The following NRXN2 variants were observed in gnomAD, a reference collection of about 807,000 sequenced individuals.
NRXN2 encodes neurexin 2.
NRXN2 carries 29 observed loss-of-function variants against 128.8 expected under a neutral mutation model. The observed-to-expected ratio is 0.23, with a 90% CI of 0.17 to 0.31. The LOEUF (loss-of-function observed/expected upper bound fraction) is 0.31. Ranked by LOEUF, NRXN2 falls within the 10% of genes least tolerant of loss-of-function variation. NRXN2 has a pLI of 1.00. For missense variants in NRXN2, 1,881 were observed against 2,452.6 expected (o/e 0.77, Z 4.92); for synonymous variants, 1,098 against 1,075.2 (o/e 1.02, Z -0.41).
intron 17 of NRXN2, among the ~76,000 whole-genome samples, chr11:64,638,349 C>T (rs897595800): frequency 6.6e-6 from 1 of 152,178 alleles, no homozygotes; most frequent in Non-Finnish European, 1.5e-5. Flanking sequence ...TGGACTGGGG[C>T]GGCAGTAATT....
At chr11:64,611,846 T>C (rs993771920) in intron 22 of NRXN2, among the ~76,000 whole-genome samples, 1 of 152,068 alleles carries the variant, frequency 6.6e-6, no homozygotes, top group African/African-American at 2.4e-5. Context: ...TGGGCCCTTC[T>C]CTGCCCAAGG....
chr11:64,681,875 G>A (rs903542842), intron 6 of NRXN2, among the ~76,000 whole-genome samples: 3 of 152,238 alleles, frequency 2.0e-5, no homozygotes, highest in Admixed American at 1.3e-4. Flanking sequence ...GCCAGAGAGG[G>A]AGAGAGGCCT....
intron 6 of NRXN2, among the ~76,000 whole-genome samples, chr11:64,683,156 T>C (rs2052538680): frequency 6.6e-6 from 1 of 152,216 alleles, no homozygotes; most frequent in African/African-American, 2.4e-5. Context: ...TCTCAGATCC[T>C]GGCACTCTAT....
At chr11:64,636,897 TGAG>T in intron 17 of NRXN2, among the ~76,000 whole-genome samples, 1 of 151,874 alleles carries the variant, frequency 6.6e-6, no homozygotes, top group Non-Finnish European at 1.5e-5. Flanking sequence ...CAATCAGGGG[TGAG>T]GAGGCTCCAT....
chr11:64,645,567 C>G (rs2046524295), intron 17 of NRXN2, among the ~76,000 whole-genome samples: 1 of 152,068 alleles, frequency 6.6e-6, no homozygotes, highest in Non-Finnish European at 1.5e-5. Context: ...GCTACCCTTT[C>G]TCATTTCATA....
chr11:64,647,889 C>T (rs2046936732), intron 17 of NRXN2, among the ~76,000 whole-genome samples: 1 of 152,244 alleles, frequency 6.6e-6, no homozygotes, highest in South Asian at 2.1e-4. Flanking sequence ...CTACACAGGA[C>T]AGCAGCAAGT....
At position 64,630,603 on chromosome 11, in the gene NRXN2, C is replaced by T; in HGVS notation, c.3586-30G>A. 1 of 1,612,990 alleles carries T rather than the reference C, an allele frequency of 6.2e-7. No individual in the cohort carries two copies. The highest frequency in any genetic ancestry group is 1.3e-5 in the African/African-American group (1 of 75,048). ...GGACATGGAGGTGGAGGTCAGCGAC[C>T]AGAGGGAGCAACCATTCATCCCTTC... On this transcript the variant is annotated intron_variant, in intron 18 of 22. Coordinates refer to ENST00000265459, the MANE Select transcript of NRXN2 (RefSeq NM_015080.4). This position sits in a 1 kb window ranked among gnomAD's most constrained non-coding sequence, Gnocchi z 4.6.
chr11:64,721,614 T>C (rs2057434111), intron 1 of NRXN2, among the ~76,000 whole-genome samples: 2 of 152,102 alleles, frequency 1.3e-5, no homozygotes, highest in East Asian at 1.9e-4. Flanking sequence ...GTTAGCAGAC[T>C]GCAGACCTCC....
chr11:64,627,256 C>T (rs959920522), intron 19 of NRXN2, among the ~76,000 whole-genome samples: 3 of 152,016 alleles, frequency 2.0e-5, no homozygotes, highest in Non-Finnish European at 4.4e-5. Context: ...GGCCTCCTCA[C>T]CCTGGTCAGG....
In NRXN2 at chr11:64,706,347, G is replaced by A. The variant is rs181397595; in HGVS notation, c.730+6623C>T. Among the ~76,000 whole-genome samples the A allele has an allele frequency of 3.8e-3, 479 of 127,174 alleles. 14 individuals carry two copies. In the East Asian group the frequency reaches 0.092, roughly 24 times the overall value. 83.4% of individuals were successfully genotyped at this position (127,174 alleles called of 152,430 possible). A position where few individuals can be genotyped will look rare whatever the true frequency, so the allele number is the denominator to read the frequency against. ...CTCCCCCCACCCCACAACAGGCCCCGGTGTGTGATGTTCCCCTTCCTGTGT... is the reference window on the plus strand; with the variant it reads ...CTCCCCCCACCCCACAACAGGCCCCAGTGTGTGATGTTCCCCTTCCTGTGT... On this transcript the variant is annotated intron_variant, in intron 2 of 22. Transcript: ENST00000265459.
At chr11:64,677,093 A>G in intron 6 of NRXN2, 56 bp from the exon 7 acceptor site, 1 of 1,176,522 alleles carries the variant, frequency 8.5e-7, no homozygotes, top group Non-Finnish European at 1.3e-6. Flanking sequence ...AACAACAACA[A>G]ACACAACAAC....
At position 64,661,014 on chromosome 11, in the gene NRXN2, G is replaced by A. The variant is rs1301901528; in HGVS notation, c.1924C>T (p.Pro642Ser). 6.2e-7 allele frequency: 1 copy of A among 1,613,496 alleles called. No homozygotes were observed. The highest frequency in any genetic ancestry group is 8.5e-7 in the Non-Finnish European group (1 of 1,179,968). ...AGTGCTGCTGTCCACACCTCTGGGG[G>A]CAGGGGCAGGTCCACCCGGCCCCCC... is the stretch of plus-strand genomic sequence containing the variant. ...PEGGRVDLPL[P>S]PEVWTAALRA... Residue 642 changes from proline to serine, a missense_variant, in exon 10 of 23, where the codon CCC becomes TCC. This residue lies in a region of NRXN2 where 997 missense variants were observed against 1,240.8 expected (regional missense o/e 0.80). Transcript: ENST00000265459.
chr11:64,699,540 C>T (rs571719579), intron 2 of NRXN2, among the ~76,000 whole-genome samples: 12 of 131,414 alleles, frequency 9.1e-5, no homozygotes, highest in African/African-American at 3.4e-4. Context: ...AAGTGATTCT[C>T]CTGCCTCAGC....
intron 1 of NRXN2, among the ~76,000 whole-genome samples, chr11:64,719,680 T>G (rs1056065412): frequency 6.6e-6 from 1 of 151,820 alleles, no homozygotes; most frequent in Admixed American, 6.6e-5. Flanking sequence ...CATGGGAGCA[T>G]GGAGGTAGGT....
chr11:64,675,256 C>A (rs910180050), intron 7 of NRXN2: 2 of 152,304 alleles, frequency 1.3e-5, no homozygotes, highest in Non-Finnish European at 2.9e-5. Context: ...ACCAAGACCA[C>A]TGGGAGTGGC....
Position 64,713,605 on chromosome 11 carries a change from C to G in NRXN2, c.95G>C (p.Gly32Ala). 1 of 1,326,502 alleles carries G rather than the reference C, an allele frequency of 7.5e-7. No homozygotes were observed. Among genetic ancestry groups the G allele is most frequent in the Non-Finnish European group, 9.6e-7 (1 of 1,037,050 alleles). 82.2% of individuals were successfully genotyped at this position (1,326,502 alleles called of 1,614,324 possible). The part of the protein sequence containing the change: ...LAARADGLEF[G>A]GGPGQWARYA... ...GCGAGCCCACTGCCCGGGGCCGCCG[C>G]CGAACTCCAGGCCGTCCGCGCGCGC... The change falls in exon 2 of 23, where the codon GGC becomes GCC. Residue 32 changes from glycine to alanine, a missense_variant. Transcript: ENST00000265459.
At chr11:64,662,460 T>TA (rs2049167331) in intron 9 of NRXN2, among the ~76,000 whole-genome samples, 2 of 152,202 alleles carry the variant, frequency 1.3e-5, no homozygotes, top group African/African-American at 4.8e-5. Context: ...CCTTCCTCTG[T>TA]CCTTTTTCAA....
chr11:64,681,072 G>A (rs2135551558), intron 6 of NRXN2, among the ~76,000 whole-genome samples: 1 of 141,544 alleles, frequency 7.1e-6, no homozygotes, highest in East Asian at 2.1e-4. Context: ...ACTCCAACCT[G>A]AGAGACAAAG....
At position 64,606,945 on chromosome 11, in the gene NRXN2, G is replaced by T. The variant is rs2039722136; in HGVS notation, c.*251C>A. 1.8e-6 allele frequency: 1 copy of T among 544,422 alleles called. No homozygotes were observed. Among genetic ancestry groups the T allele is most frequent in the Admixed American group, 3.1e-5 (1 of 32,126 alleles). The allele number at this position is 544,422 out of a possible 1,614,324, so 33.7% of individuals were successfully genotyped here. ...TAAATCAACCCAGGGCTGTGAGCAC[G>T]TGCCCTGCCTGGCAGGCGCAGAGCT... is the stretch of plus-strand genomic sequence containing the variant. On this transcript the variant is annotated 3_prime_UTR_variant, in exon 23 of 23. Coordinates refer to ENST00000265459, the MANE Select transcript of NRXN2 (RefSeq NM_015080.4).
Sources: gnomAD v4.1 joint callset for allele counts (sites outside exome capture counted in the v4.1 genomes callset) on GRCh38, gnomAD v4.1.1 for gene constraint, gnomAD v4.1.1 regional missense constraint, Gnocchi (gnomAD v3.1) non-coding constraint, MANE v1.5 for transcripts, NCBI Gene and HGNC (gene_info 2026-07-23, HGNC 2026-07-21) for gene names.